ZNF521: variants seen among roughly 807,000 people sequenced by gnomAD.
ZNF521 encodes the protein LYST-interacting protein 3.
ZNF521 carries 14 observed loss-of-function variants against 105.5 expected under a neutral mutation model. The ratio of observed to expected loss-of-function variants is 0.13; its 90% CI spans 0.09 to 0.21. The LOEUF is 0.21. Among genes scored for constraint, ZNF521 ranks in the 10% least tolerant of loss-of-function variants. The probability of loss-of-function intolerance (pLI) is 1.00; values close to 1 mark genes in which losing one functional copy is unlikely to be tolerated. For synonymous variants in ZNF521, 635 were observed against 606.0 expected (o/e 1.05, Z -0.70); for missense variants, 1,233 against 1,629.7 (o/e 0.76, Z 4.19).
At chr18:25,309,751 A>T (rs566878605) in intron 3 of ZNF521, among the ~76,000 whole-genome samples, 5 of 152,214 alleles carry the variant, frequency 3.3e-5, no homozygotes, top group African/African-American at 1.2e-4. Flanking sequence ...TGTCAACCTG[A>T]TAATTTAATT....
chr18:25,202,955 A>G (rs1400600720), intron 4 of ZNF521: 1 of 152,232 alleles, frequency 6.6e-6, no homozygotes, highest in African/African-American at 2.4e-5. Flanking sequence ...GTGACAGTTA[A>G]AAGGATGCTA....
rs200568619 is a variant in ZNF521 at position 25,110,684 on chromosome 18, T to TAAAA, written c.3659-18607_3659-18604dup. ...ATCTTACTTTTGACTAGCCCAAAAG[T>TAAAA]AAAAAAAAAAAAAATTGTGTGTTTC... On this transcript the variant is annotated intron_variant, in intron 5 of 7. Transcript: ENST00000361524. Among the ~76,000 whole-genome samples, 786 of 142,744 alleles carry TAAAA rather than the reference T, an allele frequency of 5.5e-3. 8 individuals carry two copies. The highest frequency in any genetic ancestry group is 0.019 in the African/African-American group (753 of 39,466). 93.6% of individuals were successfully genotyped at this position (142,744 alleles called of 152,430 possible).
intron 7 of ZNF521, among the ~76,000 whole-genome samples, chr18:25,068,080 C>T (rs1368818729): frequency 6.6e-6 from 1 of 152,154 alleles, no homozygotes; most frequent in African/African-American, 2.4e-5. Context: ...CACTAATTCA[C>T]TATGCCATTA....
chr18:25,264,426 C>T (rs1047825276), intron 3 of ZNF521, among the ~76,000 whole-genome samples: 6 of 152,216 alleles, frequency 3.9e-5, no homozygotes, highest in Admixed American at 2.0e-4. Flanking sequence ...ACTATTTTTT[C>T]CCATTTTAAT....
At chr18:25,262,428 T>C (rs2044333977) in intron 3 of ZNF521, among the ~76,000 whole-genome samples, 1 of 152,230 alleles carries the variant, frequency 6.6e-6, no homozygotes, top group Non-Finnish European at 1.5e-5. Context: ...CACATTAGTT[T>C]TTGAAGTTGA....
intron 3 of ZNF521, among the ~76,000 whole-genome samples, chr18:25,235,948 C>A (rs549565534): frequency 6.6e-6 from 1 of 152,320 alleles, no homozygotes; most frequent in African/African-American, 2.4e-5. Flanking sequence ...ATCCATATGC[C>A]TTTGTATTAC....
intron 3 of ZNF521, among the ~76,000 whole-genome samples, chr18:25,248,590 G>A (rs1907895641): frequency 6.6e-6 from 1 of 152,120 alleles, no homozygotes; most frequent in African/African-American, 2.4e-5. Flanking sequence ...CTTATCCTGT[G>A]TACTTTTCTA....
intron 5 of ZNF521, among the ~76,000 whole-genome samples, chr18:25,176,638 T>C (rs1264406754): frequency 6.6e-6 from 1 of 152,188 alleles, no homozygotes; most frequent in African/African-American, 2.4e-5. Context: ...TTGGGCCTCA[T>C]TCCACTGCTT....
intron 3 of ZNF521, among the ~76,000 whole-genome samples, chr18:25,303,269 T>G (rs1183311941): frequency 7.5e-6 from 1 of 133,452 alleles, no homozygotes; most frequent in African/African-American, 3.0e-5. Context: ...CTTTCTTTCT[T>G]TCGTGTGTGT....
intron 4 of ZNF521, among the ~76,000 whole-genome samples, chr18:25,205,952 C>G (rs2036071082): frequency 6.6e-6 from 1 of 152,086 alleles, no homozygotes; most frequent in South Asian, 2.1e-4. Context: ...CAGCTATAAG[C>G]TCTTTAAGGC....
chr18:25,140,961 T>C (rs1211747243), intron 5 of ZNF521, among the ~76,000 whole-genome samples: 1 of 152,128 alleles, frequency 6.6e-6, no homozygotes, highest in East Asian at 1.9e-4. Flanking sequence ...AACACAGATA[T>C]TTACCCAACA....
intron 5 of ZNF521, among the ~76,000 whole-genome samples, chr18:25,127,253 G>A (rs1019232419): frequency 2.6e-5 from 4 of 151,874 alleles, no homozygotes; most frequent in Non-Finnish European, 5.9e-5. Flanking sequence ...TTAAAATAGG[G>A]GATTTAGATT....
At chr18:25,205,585 G>A (rs898336363) in intron 4 of ZNF521, among the ~76,000 whole-genome samples, 6 of 152,124 alleles carry the variant, frequency 3.9e-5, no homozygotes, top group Admixed American at 1.3e-4. Context: ...GAGAGGTGAA[G>A]GAGTAGCGAC....
intron 5 of ZNF521, among the ~76,000 whole-genome samples, chr18:25,142,586 G>C (rs944253253): frequency 6.6e-6 from 1 of 152,096 alleles, no homozygotes; most frequent in Non-Finnish European, 1.5e-5. Flanking sequence ...TCATGGAAAA[G>C]ATGTGGCTAC....
At chr18:25,311,587 AC>A (rs1912312454) in intron 3 of ZNF521, among the ~76,000 whole-genome samples, 1 of 151,580 alleles carries the variant, frequency 6.6e-6, no homozygotes, top group Non-Finnish European at 1.5e-5. Flanking sequence ...CACAAAAGAG[AC>A]CCCACTGTCT....
At chr18:25,198,217 G>A (rs2035934886) in intron 4 of ZNF521, among the ~76,000 whole-genome samples, 1 of 151,608 alleles carries the variant, frequency 6.6e-6, no homozygotes, top group South Asian at 2.1e-4. Flanking sequence ...ACTGATAGAT[G>A]TAATTATCAA....
At chr18:25,205,794 A>G (rs2036068327) in intron 4 of ZNF521, among the ~76,000 whole-genome samples, 1 of 152,194 alleles carries the variant, frequency 6.6e-6, no homozygotes, top group Non-Finnish European at 1.5e-5. Flanking sequence ...AGATTGGTTC[A>G]TTTTATGAGT....
chr18:25,084,427 A>T (rs541479229), intron 7 of ZNF521, among the ~76,000 whole-genome samples: 1 of 151,170 alleles, frequency 6.6e-6, no homozygotes, highest in African/African-American at 2.4e-5. Flanking sequence ...ATATGCATCA[A>T]AATCAGGTGA....
At chr18:25,208,269 C>T (rs574194074) in intron 4 of ZNF521, among the ~76,000 whole-genome samples, 1 of 152,250 alleles carries the variant, frequency 6.6e-6, no homozygotes, top group South Asian at 2.1e-4. Flanking sequence ...ACTATGTTTG[C>T]CTTTTGTGCC....
Sources: gnomAD v4.1 joint callset for allele counts (sites outside exome capture counted in the v4.1 genomes callset) on GRCh38, gnomAD v4.1.1 for gene constraint, MANE v1.5 for transcripts, NCBI Gene and HGNC (gene_info 2026-07-23, HGNC 2026-07-21) for gene names.